The following C10orf143 variants were observed in gnomAD, a reference collection of about 807,000 sequenced individuals.
C10orf143 encodes the protein chromosome 10 open reading frame 143, also known as uncharacterized protein C10orf143.
chr10:130,107,541 A>T (rs751228289), intron 1 of C10orf143: 21 of 1,344,834 alleles, frequency 1.6e-5, no homozygotes, highest in Non-Finnish European at 2.1e-5. Context: ...CTAAAAAAAG[A>T]TCCTTATGTA....
chr10:130,068,330 G>T (rs1375977873), intron 3 of C10orf143: 1 of 152,324 alleles, frequency 6.6e-6, no homozygotes, highest in Admixed American at 6.5e-5. Flanking sequence ...AGAAGGTCAT[G>T]GCCGGGCACG....
At chr10:130,086,955 G>A (rs1184234828) in intron 1 of C10orf143, among the ~76,000 whole-genome samples, 2 of 152,196 alleles carry the variant, frequency 1.3e-5, no homozygotes, top group African/African-American at 2.4e-5. Context: ...TTCAAGGGGC[G>A]CAGGGGGCTG....
intron 3 of C10orf143, among the ~76,000 whole-genome samples, chr10:130,040,275 C>T (rs1318046004): frequency 1.3e-5 from 2 of 152,138 alleles, no homozygotes; most frequent in East Asian, 1.9e-4. Flanking sequence ...GAAAGAGCAC[C>T]GAGGACCATA....
chr10:130,044,239 C>A (rs138516557), intron 3 of C10orf143, among the ~76,000 whole-genome samples: 1 of 152,114 alleles, frequency 6.6e-6, no homozygotes, highest in Non-Finnish European at 1.5e-5. Flanking sequence ...GAAAAGTGAC[C>A]GAGACATTTG....
chr10:130,110,594 G>A lies in C10orf143; in HGVS notation c.69+110C>T, dbSNP rs757545906. On this transcript the variant is annotated intron_variant, in intron 1 of 3. Coordinates refer to ENST00000637128, the MANE Select transcript of C10orf143 (RefSeq NM_001355042.2). Reference sequence around the variant, plus strand: ...GTACGCGAGCGTGCGAGTGTCTTGGGCCAGGCCTCCTCACAGGCAGGGCCG... The same window carrying A: ...GTACGCGAGCGTGCGAGTGTCTTGGACCAGGCCTCCTCACAGGCAGGGCCG... The A allele has an allele frequency of 4.9e-4, 195 of 397,884 alleles. 1 individual carries two copies. Among genetic ancestry groups the A allele is most frequent in the Non-Finnish European group, 7.5e-4 (169 of 225,714 alleles). The allele number at this position is 397,884 out of a possible 1,614,324, so 24.6% of individuals were successfully genotyped here. A position where few individuals can be genotyped will look rare whatever the true frequency, so the allele number is the denominator to read the frequency against.
At chr10:130,051,056 T>A (rs1436136338) in intron 3 of C10orf143, among the ~76,000 whole-genome samples, 1 of 152,190 alleles carries the variant, frequency 6.6e-6, no homozygotes, top group East Asian at 1.9e-4. Context: ...TTGCCATTTA[T>A]TCAAGGTTCA....
At chr10:130,053,619 G>A (rs1860762435) in intron 3 of C10orf143, among the ~76,000 whole-genome samples, 1 of 152,182 alleles carries the variant, frequency 6.6e-6, no homozygotes, top group Non-Finnish European at 1.5e-5. Flanking sequence ...GACTCAAGGG[G>A]GCGAATGGCT....
chr10:130,059,622 C>G (rs1036206161), downstream of C10orf143, among the ~76,000 whole-genome samples: 13 of 152,176 alleles, frequency 8.5e-5, no homozygotes, highest in Admixed American at 7.2e-4. Flanking sequence ...GCTTCTACAT[C>G]AACTACCAAT....
At chr10:130,053,535 G>A (rs1206484113) in intron 3 of C10orf143, among the ~76,000 whole-genome samples, 1 of 152,166 alleles carries the variant, frequency 6.6e-6, no homozygotes, top group African/African-American at 2.4e-5. Context: ...GTGTTTTCCA[G>A]AACAAGGCCC....
chr10:130,072,822 C>T (rs1861054703), intron 3 of C10orf143, among the ~76,000 whole-genome samples: 3 of 152,200 alleles, frequency 2.0e-5, no homozygotes, highest in Admixed American at 1.3e-4. Flanking sequence ...AAAATATGTA[C>T]ACACCTTAAT....
chr10:130,061,916 A>T (rs2134742091), downstream of C10orf143, among the ~76,000 whole-genome samples: 1 of 151,604 alleles, frequency 6.6e-6, no homozygotes, highest in South Asian at 2.1e-4. Flanking sequence ...GTGGCCAGGG[A>T]TGACTCTGGA....
chr10:130,087,789 C>T (rs1861315987), intron 1 of C10orf143, among the ~76,000 whole-genome samples: 1 of 152,206 alleles, frequency 6.6e-6, no homozygotes, highest in East Asian at 1.9e-4. Context: ...CCCCTAGAAA[C>T]ACACAGCAGA....
intron 3 of C10orf143, among the ~76,000 whole-genome samples, chr10:130,045,516 C>T (rs1860657333): frequency 1.3e-5 from 2 of 152,350 alleles, no homozygotes; most frequent in African/African-American, 2.4e-5. Context: ...ACCCCCAGGA[C>T]GCCCCCCGCG....
At chr10:130,070,817 T>A (rs1861020282) in intron 3 of C10orf143, among the ~76,000 whole-genome samples, 1 of 152,184 alleles carries the variant, frequency 6.6e-6, no homozygotes, top group African/African-American at 2.4e-5. Flanking sequence ...TCTGTAACAC[T>A]TCATTGAGTA....
intron 1 of C10orf143, among the ~76,000 whole-genome samples, chr10:130,091,811 A>T (rs1462621528): frequency 1.4e-5 from 2 of 141,086 alleles, no homozygotes; most frequent in Non-Finnish European, 3.0e-5. Context: ...CAAAGAAAGG[A>T]TATCAGAGAT....
intron 3 of C10orf143, among the ~76,000 whole-genome samples, chr10:130,051,182 A>T (rs1443066047): frequency 6.6e-6 from 1 of 151,998 alleles, no homozygotes; most frequent in Non-Finnish European, 1.5e-5. Context: ...ATACTTAGCA[A>T]ACGGTGACCG....
At chr10:130,036,339 C>A (rs1384485914) in intron 3 of C10orf143, among the ~76,000 whole-genome samples, 1 of 152,212 alleles carries the variant, frequency 6.6e-6, no homozygotes, top group Non-Finnish European at 1.5e-5. Flanking sequence ...GTCATGGACA[C>A]CATCCACAGA....
chr10:130,074,150 A>G (rs1861076762), intron 3 of C10orf143, among the ~76,000 whole-genome samples: 1 of 152,194 alleles, frequency 6.6e-6, no homozygotes, highest in African/African-American at 2.4e-5. Context: ...CACACTGATC[A>G]GCCAAAAAGA....
At chr10:130,110,266 C>A (rs549013121) in intron 1 of C10orf143, among the ~76,000 whole-genome samples, 1 of 152,230 alleles carries the variant, frequency 6.6e-6, no homozygotes, top group Non-Finnish European at 1.5e-5. Context: ...TCGCTCCCCA[C>A]GTACTCGTCC....
Sources: allele counts gnomAD v4.1 joint callset (sites outside exome capture counted in the v4.1 genomes callset), GRCh38; gene constraint gnomAD v4.1.1; transcripts MANE v1.5; gene names NCBI Gene and HGNC (gene_info 2026-07-23, HGNC 2026-07-21).